Variants in ADAMTS12 observed in about 807,000 individuals in gnomAD.
ADAMTS12 encodes A disintegrin and metalloproteinase with thrombospondin motifs 12.
Under a neutral mutation model 167.8 loss-of-function variants are expected in ADAMTS12, and 118 were observed. The observed-to-expected ratio is 0.70, with a 90% confidence interval of 0.61 to 0.82. ADAMTS12 has a LOEUF of 0.82. Ranked by LOEUF, ADAMTS12 falls within the 40% of genes least tolerant of loss-of-function variation. The probability of loss-of-function intolerance (pLI) is 0.00; values close to 1 mark genes in which losing one functional copy is unlikely to be tolerated. For synonymous variants in ADAMTS12, 704 were observed against 716.9 expected (o/e 0.98, Z 0.29); for missense variants, 1,916 against 1,998.8 (o/e 0.96, Z 0.79).
chr5:33,692,937 G>A (rs918460977), intron 3 of ADAMTS12, among the ~76,000 whole-genome samples: 1 of 152,162 alleles, frequency 6.6e-6, no homozygotes, highest in Non-Finnish European at 1.5e-5. Context: ...TAGTTGAGAG[G>A]GAAAGTAGAC....
intron 22 of ADAMTS12, among the ~76,000 whole-genome samples, chr5:33,544,117 C>T (rs911877164): frequency 4.6e-5 from 7 of 152,142 alleles, no homozygotes; most frequent in African/African-American, 4.8e-5. Flanking sequence ...AAAAACCCAT[C>T]GTCTCAGCCC....
intron 2 of ADAMTS12, chr5:33,880,812 C>T (rs1370466916): frequency 2.9e-6 from 1 of 339,452 alleles, no homozygotes; most frequent in South Asian, 5.1e-5. Flanking sequence ...TCAGAGCTGC[C>T]TCAGAGGCTG....
chr5:33,541,138 A>ATT (rs1744676527), intron 22 of ADAMTS12, among the ~76,000 whole-genome samples: 1 of 152,228 alleles, frequency 6.6e-6, no homozygotes, highest in Non-Finnish European at 1.5e-5. Context: ...AGAAGACCTT[A>ATT]AATGACCTGA....
chr5:33,556,775 G>T (rs1428851229), intron 20 of ADAMTS12, among the ~76,000 whole-genome samples: 1 of 152,236 alleles, frequency 6.6e-6, no homozygotes, highest in African/African-American at 2.4e-5. Context: ...TGCCCAGAGA[G>T]AAAGAAAGAG....
intron 1 of ADAMTS12, among the ~76,000 whole-genome samples, chr5:33,887,507 T>A (rs1750676071): frequency 6.6e-6 from 1 of 152,206 alleles, no homozygotes; most frequent in South Asian, 2.1e-4. Flanking sequence ...CATCACAGTT[T>A]ATACAAGGGT....
rs1392225545 is a variant in ADAMTS12, at chr5:33,727,672, C to T, written c.634+23732G>A. ...GAAGCCAAGCTGTTTATGCTTGAGG[C>T]TTGTATGCATCCTGTTCCCTGGAAC... On this transcript the variant is annotated intron_variant, in intron 3 of 23. Coordinates refer to ENST00000504830, the MANE Select transcript of ADAMTS12 (RefSeq NM_030955.4). Among the ~76,000 whole-genome samples, 3 of 152,188 alleles carry T rather than the reference C, an allele frequency of 2.0e-5. No individual in the cohort carries two copies. The Middle Eastern group carries it at 0.01, about 518-fold the overall frequency.
At chr5:33,669,656 A>T (rs1741599280) in intron 5 of ADAMTS12, among the ~76,000 whole-genome samples, 1 of 151,862 alleles carries the variant, frequency 6.6e-6, no homozygotes, top group South Asian at 2.1e-4. Context: ...GTGTAGTATT[A>T]AAAAAAAGGC....
chr5:33,524,328 A>T lies in ADAMTS12; in HGVS notation c.*2860T>A, dbSNP rs1397566249. On this transcript the variant is annotated 3_prime_UTR_variant, in exon 24 of 24. Transcript: ENST00000504830. ...TCATGTTTAAGAATTATATTAACCC[A>T]CAACTTTCCAGAGAAGAGCTAAATA... 1 of 152,224 alleles carries T rather than the reference A, an allele frequency of 6.6e-6. No homozygotes were observed. The highest frequency in any genetic ancestry group is 1.5e-5 in the Non-Finnish European group (1 of 68,044). 9.4% of individuals were successfully genotyped at this position (152,224 alleles called of 1,614,324 possible). A position where few individuals can be genotyped will look rare whatever the true frequency, so the allele number is the denominator to read the frequency against.
intron 2 of ADAMTS12, among the ~76,000 whole-genome samples, chr5:33,787,200 AC>A (rs1746362851): frequency 6.6e-6 from 1 of 151,940 alleles, no homozygotes. Context: ...ATTTGTAGTC[AC>A]CTCCTATTGA....
At chr5:33,749,217 C>T (rs1177770423) in intron 3 of ADAMTS12, among the ~76,000 whole-genome samples, 1 of 152,102 alleles carries the variant, frequency 6.6e-6, no homozygotes, top group Admixed American at 6.6e-5. Context: ...GAGGGAATAC[C>T]TATTCTAATA....
intron 3 of ADAMTS12, among the ~76,000 whole-genome samples, chr5:33,694,769 A>G (rs2112284183): frequency 6.6e-6 from 1 of 152,360 alleles, no homozygotes; most frequent in East Asian, 1.9e-4. Flanking sequence ...TTGATATGAT[A>G]AAAAAGAATG....
intron 23 of ADAMTS12, among the ~76,000 whole-genome samples, chr5:33,531,652 G>T (rs2111736398): frequency 6.6e-6 from 1 of 152,258 alleles, no homozygotes; most frequent in East Asian, 1.9e-4. Flanking sequence ...ACATGAATAG[G>T]TCTTCTCTGC....
At chr5:33,712,782 C>T (rs996197625) in intron 3 of ADAMTS12, among the ~76,000 whole-genome samples, 1 of 152,176 alleles carries the variant, frequency 6.6e-6, no homozygotes, top group African/African-American at 2.4e-5. Context: ...AGAGGTGAAG[C>T]TGGTTGAGAT....
chr5:33,771,784 T>C (rs1226971980), intron 2 of ADAMTS12, among the ~76,000 whole-genome samples: 6 of 152,094 alleles, frequency 3.9e-5, no homozygotes, highest in East Asian at 1.9e-4. Context: ...AGTAAAGTTA[T>C]ACTGCGTACT....
At chr5:33,684,847 T>C (rs1742267369) in intron 3 of ADAMTS12, among the ~76,000 whole-genome samples, 1 of 152,204 alleles carries the variant, frequency 6.6e-6, no homozygotes, top group African/African-American at 2.4e-5. Context: ...CACGGAATCA[T>C]TCTCAAAATC....
At chr5:33,670,134 A>G (rs955494126) in intron 5 of ADAMTS12, among the ~76,000 whole-genome samples, 5 of 137,928 alleles carry the variant, frequency 3.6e-5, no homozygotes, top group Non-Finnish European at 4.6e-5. Context: ...TAAAATACGT[A>G]AAGAGCTCTC....
chr5:33,655,822 G>A (rs771357362), intron 7 of ADAMTS12, among the ~76,000 whole-genome samples: 1 of 151,420 alleles, frequency 6.6e-6, no homozygotes, highest in African/African-American at 2.4e-5. Context: ...CCTGAACCCC[G>A]ACAGGCCCCA....
At chr5:33,661,827 A>C in intron 6 of ADAMTS12, 89 bp downstream of exon 6, 1 of 1,546,270 alleles carries the variant, frequency 6.5e-7, no homozygotes, top group Non-Finnish European at 8.8e-7. Context: ...AATAGTGAGA[A>C]TGTCATGGGT....
chr5:33,644,441 T>G (rs887967069), intron 9 of ADAMTS12, among the ~76,000 whole-genome samples: 3 of 152,216 alleles, frequency 2.0e-5, no homozygotes, highest in Non-Finnish European at 2.9e-5. Flanking sequence ...TTCAACCATG[T>G]CAAGTCTGCT....
Sources: allele counts gnomAD v4.1 joint callset (sites outside exome capture counted in the v4.1 genomes callset), GRCh38; gene constraint gnomAD v4.1.1; transcripts MANE v1.5; gene names NCBI Gene and HGNC (gene_info 2026-07-23, HGNC 2026-07-21).